Variants in FRMD3 observed in about 807,000 individuals in gnomAD.
FRMD3 encodes the protein FERM domain-containing protein 3.
FRMD3 carries 33 observed loss-of-function variants against 70.2 expected under a neutral mutation model. The ratio of observed to expected loss-of-function variants is 0.47; its 90% CI spans 0.36 to 0.63. FRMD3 has a LOEUF of 0.63. Ranked by LOEUF, FRMD3 falls within the 20% of genes least tolerant of loss-of-function variation. The pLI, the probability that FRMD3 is intolerant of heterozygous loss-of-function variation, is 0.00. For missense variants in FRMD3, 632 were observed against 711.4 expected, an observed-to-expected ratio of 0.89 and a Z score of 1.27; for synonymous variants, 279 against 255.9, an observed-to-expected ratio of 1.09 and a Z score of -0.86.
intron 1 of FRMD3, among the ~76,000 whole-genome samples, chr9:83,514,373 G>A (rs941519391): frequency 5.3e-5 from 8 of 152,272 alleles, no homozygotes; most frequent in South Asian, 4.1e-4. Context: ...AGAGCCCACC[G>A]AAGCTCAGCA....
intron 10 of FRMD3, among the ~76,000 whole-genome samples, chr9:83,308,686 T>C (rs1030693384): frequency 1.3e-5 from 2 of 152,222 alleles, no homozygotes; most frequent in Non-Finnish European, 2.9e-5. Context: ...TTTTGAAACC[T>C]GAGAGCTTTA....
At chr9:83,341,873 T>C (rs1227182055) in intron 5 of FRMD3, among the ~76,000 whole-genome samples, 1 of 152,000 alleles carries the variant, frequency 6.6e-6, no homozygotes, top group African/African-American at 2.4e-5. Context: ...GCACAGAGCA[T>C]CCCACAGGGA....
intron 1 of FRMD3, among the ~76,000 whole-genome samples, chr9:83,448,808 G>C (rs1433432377): frequency 6.6e-6 from 1 of 152,222 alleles, no homozygotes; most frequent in Non-Finnish European, 1.5e-5. Flanking sequence ...GCAGTGGGGA[G>C]AGCAGTGACC....
chr9:83,503,004 G>T (rs1465706751), intron 1 of FRMD3, among the ~76,000 whole-genome samples: 10 of 152,186 alleles, frequency 6.6e-5, no homozygotes, highest in Non-Finnish European at 8.8e-5. Flanking sequence ...ATTTACTTTG[G>T]TAATTACTAC....
At chr9:83,447,628 G>A (rs1827520239) in intron 1 of FRMD3, among the ~76,000 whole-genome samples, 1 of 152,220 alleles carries the variant, frequency 6.6e-6, no homozygotes, top group African/African-American at 2.4e-5. Context: ...AAGCACAGGA[G>A]GTCAAGGGTC....
chr9:83,507,722 A>T (rs1197687057), intron 1 of FRMD3, among the ~76,000 whole-genome samples: 1 of 108,792 alleles, frequency 9.2e-6, no homozygotes, highest in Non-Finnish European at 1.9e-5. Flanking sequence ...ATATATATAT[A>T]TATATATATA....
chr9:83,412,139 T>G (rs1234316966), intron 1 of FRMD3, among the ~76,000 whole-genome samples: 4 of 145,524 alleles, frequency 2.7e-5, no homozygotes, highest in Non-Finnish European at 6.0e-5. Context: ...CACTTAAATA[T>G]CAACAACAGT....
chr9:83,451,037 C>T (rs1171921259), intron 1 of FRMD3, among the ~76,000 whole-genome samples: 6 of 152,184 alleles, frequency 3.9e-5, no homozygotes, highest in Admixed American at 2.6e-4. Flanking sequence ...GCAACGAACA[C>T]GAGTTCCCTA....
At chr9:83,256,180 C>A (rs1183665375) in intron 13 of FRMD3, among the ~76,000 whole-genome samples, 1 of 151,990 alleles carries the variant, frequency 6.6e-6, no homozygotes, top group Non-Finnish European at 1.5e-5. Flanking sequence ...GACACATAGA[C>A]CAATGGAACA....
chr9:83,286,396 A>C (rs1834213644), intron 13 of FRMD3, among the ~76,000 whole-genome samples: 1 of 151,698 alleles, frequency 6.6e-6, no homozygotes. Flanking sequence ...CAATGGCATG[A>C]TCTCAGCTCA....
chr9:83,479,767 G>GAA (rs1828518049), intron 1 of FRMD3, among the ~76,000 whole-genome samples: 1 of 68,772 alleles, frequency 1.5e-5, no homozygotes, highest in African/African-American at 6.7e-5. Context: ...AGAAGGGAGG[G>GAA]AGGGAGGGAG....
chr9:83,282,361 G>GT (rs1834006775), intron 13 of FRMD3, among the ~76,000 whole-genome samples: 1 of 152,148 alleles, frequency 6.6e-6, no homozygotes, highest in Admixed American at 6.5e-5. Flanking sequence ...CGTCTAAAAC[G>GT]TAACTGTTCA....
At chr9:83,533,709 G>A (rs116872662) in intron 1 of FRMD3, among the ~76,000 whole-genome samples, 7,570 of 152,114 alleles carry the variant, frequency 0.05, 288 homozygotes, top group East Asian at 0.2. Context: ...GGGACTCTGC[G>A]GTGAACATCA....
At chr9:83,344,962 C>A (rs549693739) in intron 4 of FRMD3, among the ~76,000 whole-genome samples, 3 of 140,962 alleles carry the variant, frequency 2.1e-5, no homozygotes, top group African/African-American at 7.4e-5. Context: ...CATGTGTAAT[C>A]CCCATTTTAA....
intron 3 of FRMD3, among the ~76,000 whole-genome samples, chr9:83,357,270 T>TAAC (rs1564032820): frequency 1.5e-5 from 1 of 64,530 alleles, no homozygotes; most frequent in African/African-American, 9.0e-5. Context: ...TATATATATA[T>TAAC]ATATATATAT....
downstream of FRMD3, among the ~76,000 whole-genome samples, chr9:83,244,129 CA>C (rs749130189): frequency 3.3e-4 from 30 of 89,672 alleles, no homozygotes; most frequent in African/African-American, 8.3e-4. Flanking sequence ...ACTCCATCAT[CA>C]TCTCAAAAAA....
At chr9:83,585,321 C>A in the FRMD3 span, among the ~76,000 whole-genome samples, 1 of 152,328 alleles carries the variant, frequency 6.6e-6, no homozygotes, top group East Asian at 1.9e-4. Context: ...AGAACCCAAC[C>A]AGTAAGGGGG....
the FRMD3 span, among the ~76,000 whole-genome samples, chr9:83,558,462 A>C: frequency 6.6e-6 from 1 of 152,360 alleles, no homozygotes; most frequent in East Asian, 1.9e-4. Context: ...GTGCTGAAGA[A>C]AAAAAGCTTT....
At chr9:83,307,967 T>C (rs1835201592) in intron 10 of FRMD3, among the ~76,000 whole-genome samples, 1 of 152,146 alleles carries the variant, frequency 6.6e-6, no homozygotes, top group African/African-American at 2.4e-5. Flanking sequence ...GGCCAACTGG[T>C]CTCCTTCCTT....
Sources: gnomAD v4.1 joint callset for allele counts (sites outside exome capture counted in the v4.1 genomes callset) on GRCh38, gnomAD v4.1.1 for gene constraint, MANE v1.5 for transcripts, NCBI Gene and HGNC (gene_info 2026-07-23, HGNC 2026-07-21) for gene names.